Variants in WDR3 observed in about 807,000 individuals in gnomAD.
WDR3 encodes WD repeat domain 3.
In WDR3, 81 loss-of-function variants were observed where a neutral mutation model predicts 123.7. The ratio of observed to expected loss-of-function variants is 0.65; its 90% CI spans 0.55 to 0.79. The LOEUF is 0.79. Among genes scored for constraint, WDR3 ranks in the 30% least tolerant of loss-of-function variants. The pLI is 0.00. For synonymous variants in WDR3, 390 were observed against 388.8 expected (o/e 1.00, Z -0.04); for missense variants, 1,027 against 1,123.2 (o/e 0.91, Z 1.22).
chr1:117,943,495 T>TGAGTAGG lies in WDR3; in HGVS notation c.1197_1198insGAGTAGG (p.Thr400GlufsTer2). The TGAGTAGG allele has an allele frequency of 1.2e-6, 2 of 1,614,172 alleles. No individual in the cohort carries two copies. Among genetic ancestry groups the TGAGTAGG allele is most frequent in the Non-Finnish European group, 1.7e-6 (2 of 1,180,034 alleles). On this transcript the variant is annotated stop_gained and frameshift_variant, in exon 11 of 27. Coordinates refer to ENST00000349139, the MANE Select transcript of WDR3 (RefSeq NM_006784.3). LOFTEE classifies it high-confidence loss of function. ...TGTATTCACTGAATCCATCCTTGCC[T>TGAGTAGG]ACTCCTCAGCCTGTCAGGACAAGCA... is the stretch of plus-strand genomic sequence containing the variant.
At chr1:117,933,754 G>A in intron 2 of WDR3, 1 of 448,190 alleles carries the variant, frequency 2.2e-6, no homozygotes, top group Non-Finnish European at 4.2e-6. Flanking sequence ...ATTATTTGCA[G>A]TAATTATTTA....
intron 1 of WDR3, among the ~76,000 whole-genome samples, chr1:117,930,980 C>T (rs1650693725): frequency 6.6e-6 from 1 of 152,200 alleles, no homozygotes; most frequent in Non-Finnish European, 1.5e-5. Context: ...GACAGAGTCT[C>T]ACTGTCACCC....
intron 22 of WDR3, 63 bp downstream of exon 22, chr1:117,954,162 T>G (rs556787707): frequency 6.4e-6 from 9 of 1,400,602 alleles, no homozygotes; most frequent in Admixed American, 2.0e-5. Flanking sequence ...GAAAAACCAT[T>G]GTTTTGGGAT....
intron 6 of WDR3, 144 bp from the exon 7 acceptor site, chr1:117,940,683 A>G: frequency 1.4e-6 from 1 of 700,024 alleles, no homozygotes; most frequent in Non-Finnish European, 2.4e-6. Context: ...AGATGTGATC[A>G]TGCCATTGCA....
chr1:117,934,018 G>T (rs2101191473), intron 2 of WDR3, among the ~76,000 whole-genome samples: 1 of 152,248 alleles, frequency 6.6e-6, no homozygotes, highest in South Asian at 2.1e-4. Context: ...ATTCCCAAGA[G>T]GTTAGTACTT....
At chr1:117,958,490 A>G (rs1434134183) in intron 25 of WDR3, among the ~76,000 whole-genome samples, 1 of 152,140 alleles carries the variant, frequency 6.6e-6, no homozygotes, top group Non-Finnish European at 1.5e-5. Context: ...ATATCTTGGT[A>G]CTCTAGGTCA....
intron 13 of WDR3, 61 bp from the exon 14 acceptor site, chr1:117,949,690 T>C: frequency 6.4e-7 from 1 of 1,550,624 alleles, no homozygotes; most frequent in Non-Finnish European, 8.8e-7. Flanking sequence ...TTAAAATGTA[T>C]CTTCATAGCA....
intron 10 of WDR3, among the ~76,000 whole-genome samples, chr1:117,942,860 G>GT (rs1292856372): frequency 7.6e-5 from 11 of 144,880 alleles, no homozygotes; most frequent in African/African-American, 2.8e-4. Flanking sequence ...CAGAACCAAA[G>GT]TATGTATCAG....
intron 11 of WDR3, among the ~76,000 whole-genome samples, chr1:117,945,077 C>T (rs1571016222): frequency 6.6e-6 from 1 of 152,286 alleles, no homozygotes; most frequent in East Asian, 1.9e-4. Flanking sequence ...CCAAATCCAG[C>T]CTCATCTTAC....
chr1:117,946,058 T>C, intron 11 of WDR3, 28 bp from the exon 12 acceptor site: 1 of 1,568,730 alleles, frequency 6.4e-7, no homozygotes, highest in Non-Finnish European at 8.7e-7. Context: ...TCTCTTAACA[T>C]GAGTTCTTTA....
intron 15 of WDR3, 66 bp downstream of exon 15, chr1:117,950,196 G>C (rs1651559063): frequency 6.3e-7 from 1 of 1,592,954 alleles, no homozygotes; most frequent in Admixed American, 1.7e-5. Context: ...TTTGGGTTGA[G>C]GCTATAAAGA....
Position 117,965,059 on chromosome 1 carries a change from A to G in WDR3, c.*5612A>G, listed in dbSNP as rs1392592777. On this transcript the variant is annotated 3_prime_UTR_variant, in exon 27 of 27. Coordinates refer to ENST00000349139, the MANE Select transcript of WDR3 (RefSeq NM_006784.3). The stretch of plus-strand genomic sequence containing the variant: ...CCTATATTCTGTTGCATCCTTGAGT[A>G]ACATATTCTCTTGCTCTTTCCTTTA... 6.6e-6 allele frequency: 1 copy of G among 152,244 alleles called. No individual in the cohort carries two copies. Among genetic ancestry groups the G allele is most frequent in the African/African-American group, 2.4e-5 (1 of 41,466 alleles). The allele number at this position is 152,244 out of a possible 1,614,324, so 9.4% of individuals were successfully genotyped here. A position where few individuals can be genotyped will look rare whatever the true frequency, so the allele number is the denominator to read the frequency against.
In WDR3 at chr1:117,952,015, G is replaced by A. The variant is rs758947621; in HGVS notation, c.1843G>A (p.Val615Met). Reference sequence around the variant, plus strand: ...AGCAACTGGCTCCGCTGATAGGAATGTGAAAATCTGGGGTTTGGACTTTGG... The same window carrying A: ...AGCAACTGGCTCCGCTGATAGGAATATGAAAATCTGGGGTTTGGACTTTGG... Reference protein sequence around the residue: ...LIATGSADRNVKIWGLDFGDC... With the variant: ...LIATGSADRNMKIWGLDFGDC... The change falls in exon 17 of 27, where the codon GTG (valine) becomes ATG (methionine). Residue 615 changes from valine to methionine, a missense_variant. Physicochemically the swap from Val to Met is conservative, Grantham distance 21. Coordinates refer to ENST00000349139, the MANE Select transcript of WDR3 (RefSeq NM_006784.3). 5 of 1,613,368 alleles carry A rather than the reference G, an allele frequency of 3.1e-6. No homozygotes were observed. Among genetic ancestry groups the A allele is most frequent in the Non-Finnish European group, 4.2e-6 (5 of 1,179,482 alleles).
Position 117,950,815 on chromosome 1 carries a change from AT to A in WDR3, c.1747-18del. On this transcript the variant is annotated intron_variant, in intron 15 of 26. Coordinates refer to ENST00000349139, the MANE Select transcript of WDR3 (RefSeq NM_006784.3). ...CATATTTTATAGACAGACATTAATT[AT>A]GTTTTTTTGATGTTTAGTTTTTTCT... is the stretch of plus-strand genomic sequence containing the variant. 6.3e-7 allele frequency: 1 copy of A among 1,595,244 alleles called. No individual in the cohort carries two copies. Among genetic ancestry groups the A allele is most frequent in the Non-Finnish European group, 8.6e-7 (1 of 1,169,170 alleles).
intron 13 of WDR3, among the ~76,000 whole-genome samples, chr1:117,949,228 G>GA (rs1050253724): frequency 1.3e-5 from 2 of 152,048 alleles, no homozygotes; most frequent in African/African-American, 4.8e-5. Context: ...CAAAACTAGG[G>GA]ATTTACGGAA....
chr1:117,954,554 G>A (rs1651880574), intron 22 of WDR3, 26 bp from the exon 23 acceptor site: 1 of 1,608,626 alleles, frequency 6.2e-7, no homozygotes, highest in Admixed American at 1.7e-5. Context: ...TTTTTTTAAT[G>A]ACTTGATTTA....
chr1:117,943,318 T>A (rs978045083), intron 10 of WDR3, 78 bp from the exon 11 acceptor site: 2 of 1,250,996 alleles, frequency 1.6e-6, no homozygotes, highest in African/African-American at 3.0e-5. Context: ...GAGGACATTG[T>A]AAAGCCTTTT....
rs138262038 is a variant in WDR3, at chr1:117,957,254, C to G, written c.2582+58C>G. 8,918 of 1,546,990 alleles carry G rather than the reference C, an allele frequency of 5.8e-3. 35 individuals carry two copies. The highest frequency in any genetic ancestry group is 6.7e-3 in the Non-Finnish European group (7,706 of 1,146,464). The stretch of plus-strand genomic sequence containing the variant: ...TTCAGCAGAACTGCTTCAGTAGTAC[C>G]TTAACTGAAGCTGTCAACACTTTGG... On this transcript the variant is annotated intron_variant, in intron 25 of 26. Transcript: ENST00000349139.
chr1:117,929,840 C>T, intron 1 of WDR3, 58 bp downstream of exon 1: 1 of 152,540 alleles, frequency 6.6e-6, no homozygotes, highest in Non-Finnish European at 1.5e-5. Context: ...TCCGATTTTG[C>T]AGATTCTGGC....
Sources: allele counts gnomAD v4.1 joint callset (sites outside exome capture counted in the v4.1 genomes callset), GRCh38; gene constraint gnomAD v4.1.1; transcripts MANE v1.5; gene names NCBI Gene and HGNC (gene_info 2026-07-23, HGNC 2026-07-21).